The following STXBP5L variants were observed in gnomAD, a reference collection of about 807,000 sequenced individuals.
STXBP5L encodes the protein syntaxin binding protein 5L.
Under a neutral mutation model 144.5 loss-of-function variants are expected in STXBP5L, and 65 were observed. That is an observed-to-expected ratio of 0.45 (90% CI 0.37 to 0.55). The LOEUF (loss-of-function observed/expected upper bound fraction) is 0.55, where lower values mean the gene tolerates loss of function less well. STXBP5L is among the 20% of genes least tolerant of loss of function. The probability of loss-of-function intolerance (pLI) is 0.00; values close to 1 mark genes in which losing one functional copy is unlikely to be tolerated. For missense variants in STXBP5L, 1,298 were observed against 1,405.5 expected (o/e 0.92, Z 1.22); for synonymous variants, 505 against 469.6 (o/e 1.08, Z -0.97).
intron 7 of STXBP5L, among the ~76,000 whole-genome samples, chr3:121,137,756 A>C (rs1469653203): frequency 6.6e-6 from 1 of 152,138 alleles, no homozygotes; most frequent in Admixed American, 6.5e-5. Context: ...ATTTTCAGTA[A>C]ATTAGATAGA....
At chr3:121,056,202 G>T (rs1389539993) in intron 5 of STXBP5L, among the ~76,000 whole-genome samples, 3 of 152,072 alleles carry the variant, frequency 2.0e-5, no homozygotes, top group African/African-American at 7.2e-5. Flanking sequence ...CTTGATTTTT[G>T]TAATGCATGA....
At chr3:121,387,444 A>G (rs2046454573) in intron 22 of STXBP5L, among the ~76,000 whole-genome samples, 1 of 152,124 alleles carries the variant, frequency 6.6e-6, no homozygotes. Context: ...TTTTGTTGCC[A>G]TTGCTTTTGG....
intron 5 of STXBP5L, among the ~76,000 whole-genome samples, chr3:121,094,971 G>T (rs2043036672): frequency 6.6e-6 from 1 of 151,966 alleles, no homozygotes; most frequent in Non-Finnish European, 1.5e-5. Context: ...AGGCCTGGTG[G>T]TGACAAAATC....
intron 9 of STXBP5L, among the ~76,000 whole-genome samples, chr3:121,182,095 T>C (rs1227240350): frequency 6.6e-6 from 1 of 152,164 alleles, no homozygotes; most frequent in Non-Finnish European, 1.5e-5. Flanking sequence ...AATACTCCAC[T>C]GACAGCACTA....
chr3:121,160,727 C>A (rs2046294414), intron 9 of STXBP5L, among the ~76,000 whole-genome samples: 1 of 152,076 alleles, frequency 6.6e-6, no homozygotes, highest in Non-Finnish European at 1.5e-5. Flanking sequence ...TGGCCTACCA[C>A]TTTATTATTT....
At chr3:121,344,018 C>A (rs1216301857) in intron 20 of STXBP5L, among the ~76,000 whole-genome samples, 2 of 152,002 alleles carry the variant, frequency 1.3e-5, no homozygotes, top group Non-Finnish European at 2.9e-5. Flanking sequence ...GCTACAGTAA[C>A]CAAAACAGCA....
chr3:120,998,376 T>C (rs1350867524), intron 3 of STXBP5L, among the ~76,000 whole-genome samples: 2 of 149,644 alleles, frequency 1.3e-5, no homozygotes, highest in African/African-American at 5.0e-5. Flanking sequence ...TAAACATCTT[T>C]GGCAAAGTTT....
chr3:120,985,281 A>T (rs1942185718), intron 3 of STXBP5L, among the ~76,000 whole-genome samples: 1 of 152,046 alleles, frequency 6.6e-6, no homozygotes, highest in Non-Finnish European at 1.5e-5. Flanking sequence ...CTGCGAAGCC[A>T]TGGGGGCTTT....
intron 3 of STXBP5L, among the ~76,000 whole-genome samples, chr3:120,971,876 A>G (rs556553377): frequency 6.6e-6 from 1 of 151,942 alleles, no homozygotes; most frequent in Non-Finnish European, 1.5e-5. Flanking sequence ...ATGCATGCAC[A>G]CACACACAGA....
chr3:120,968,598 G>A (rs1436440841), intron 3 of STXBP5L, among the ~76,000 whole-genome samples: 1 of 151,986 alleles, frequency 6.6e-6, no homozygotes, highest in East Asian at 1.9e-4. Flanking sequence ...AAAGCTTTGG[G>A]GGTACAGATT....
At chr3:121,054,393 A>G (rs1471912826) in intron 5 of STXBP5L, among the ~76,000 whole-genome samples, 1 of 152,146 alleles carries the variant, frequency 6.6e-6, no homozygotes, top group Non-Finnish European at 1.5e-5. Flanking sequence ...CATATACACC[A>G]TGGAATACTA....
At chr3:120,913,720 C>T (rs188268188) in intron 2 of STXBP5L, among the ~76,000 whole-genome samples, 34 of 152,068 alleles carry the variant, frequency 2.2e-4, no homozygotes, top group African/African-American at 7.2e-4. Context: ...TAAGAAATTA[C>T]ATGCTTTTGA....
chr3:121,360,117 T>A (rs1285455188), intron 20 of STXBP5L, among the ~76,000 whole-genome samples: 1 of 148,324 alleles, frequency 6.7e-6, no homozygotes, highest in Non-Finnish European at 1.5e-5. Context: ...AATTGTTATA[T>A]CCTCTTGCTG....
rs1251384010 is a variant in STXBP5L, at chr3:121,193,351, G to A, written c.878-12572G>A. On this transcript the variant is annotated intron_variant, in intron 9 of 26. Coordinates refer to ENST00000471454, the MANE Select transcript of STXBP5L (RefSeq NM_001308330.2). ...GTGCTGGAAAGGATGTGGAGAAATA[G>A]GAGCACTTTTACACTGTTAGTGGGA... is the stretch of plus-strand genomic sequence containing the variant. 4.9e-5 allele frequency among the ~76,000 whole-genome samples: 7 copies of A among 142,932 alleles called. 1 individual carries two copies. The South Asian group carries it at 9.7e-4, about 20-fold the overall frequency. 93.8% of individuals were successfully genotyped at this position (142,932 alleles called of 152,430 possible). A position where few individuals can be genotyped will look rare whatever the true frequency, so the allele number is the denominator to read the frequency against.
chr3:121,039,794 A>T (rs947777481), intron 3 of STXBP5L, among the ~76,000 whole-genome samples: 1 of 151,942 alleles, frequency 6.6e-6, no homozygotes, highest in African/African-American at 2.4e-5. Flanking sequence ...GCCATTTGAC[A>T]TTGACCCACA....
chr3:121,272,935 T>A (rs988048693), intron 18 of STXBP5L, among the ~76,000 whole-genome samples: 3 of 152,022 alleles, frequency 2.0e-5, no homozygotes, highest in African/African-American at 4.8e-5. Context: ...TATATTTATA[T>A]ATATTTTATA....
At chr3:121,160,933 G>A (rs2046302228) in intron 9 of STXBP5L, among the ~76,000 whole-genome samples, 2 of 152,022 alleles carry the variant, frequency 1.3e-5, no homozygotes, top group Non-Finnish European at 2.9e-5. Context: ...AGCTAACATT[G>A]TAACACTTCA....
intron 3 of STXBP5L, among the ~76,000 whole-genome samples, chr3:120,980,414 A>C (rs990660767): frequency 1.4e-5 from 2 of 145,644 alleles, no homozygotes; most frequent in South Asian, 4.3e-4. Flanking sequence ...TAGAATTGTT[A>C]TATTTTCTTG....
chr3:121,241,875 A>T (rs552882082), intron 14 of STXBP5L, among the ~76,000 whole-genome samples: 84 of 152,318 alleles, frequency 5.5e-4, no homozygotes, highest in Middle Eastern at 3.4e-3. Context: ...GAAAGAAAAA[A>T]AATCTGGAAA....
Sources: gnomAD v4.1 joint callset for allele counts (sites outside exome capture counted in the v4.1 genomes callset) on GRCh38, gnomAD v4.1.1 for gene constraint, MANE v1.5 for transcripts, NCBI Gene and HGNC (gene_info 2026-07-23, HGNC 2026-07-21) for gene names.